PALM2AKAP2: variants seen among roughly 807,000 people sequenced by gnomAD.
PALM2AKAP2 encodes the protein PALM2 and AKAP2 fusion, also known as PALM2-AKAP2 fusion protein.
In PALM2AKAP2, 37 loss-of-function variants were observed where a neutral mutation model predicts 71.5. That is an observed-to-expected ratio of 0.52 (90% CI 0.40 to 0.68). The LOEUF is 0.68. Among genes scored for constraint, PALM2AKAP2 ranks in the 30% least tolerant of loss-of-function variants. The pLI, the probability that PALM2AKAP2 is intolerant of heterozygous loss-of-function variation, is 0.00. For synonymous variants in PALM2AKAP2, 468 were observed against 478.8 expected, an observed-to-expected ratio of 0.98 and a Z score of 0.29; for missense variants, 1,224 against 1,191.8, an observed-to-expected ratio of 1.03 and a Z score of -0.40.
intron 1 of PALM2AKAP2, among the ~76,000 whole-genome samples, chr9:109,815,028 C>T (rs1403524389): frequency 6.6e-6 from 1 of 152,062 alleles, no homozygotes; most frequent in Non-Finnish European, 1.5e-5. Context: ...AGTAAGACCA[C>T]TCAGAGGTGG....
chr9:109,858,850 C>T (rs80295254), intron 1 of PALM2AKAP2, among the ~76,000 whole-genome samples: 3 of 152,080 alleles, frequency 2.0e-5, no homozygotes, highest in Non-Finnish European at 4.4e-5. Flanking sequence ...TGAAGCACTC[C>T]TAGCAAAGAA....
rs532294630 is a variant in PALM2AKAP2, at chr9:109,783,320, G to C, written c.45+2787G>C. Among the ~76,000 whole-genome samples the C allele has an allele frequency of 2.5e-3, 272 of 110,358 alleles. 1 individual carries two copies. Among genetic ancestry groups the C allele is most frequent in the African/African-American group, 0.014 (256 of 18,390 alleles). The allele number at this position is 110,358 out of a possible 152,430, so 72.4% of individuals were successfully genotyped here. ...TCTCTGAAGTGGAATGTGTATTAAT[G>C]ACTTTTTTTTTTTTTTAGACAGAGT... On this transcript the variant is annotated intron_variant, in intron 1 of 9. Coordinates refer to the PALM2AKAP2 transcript ENST00000302798.
exon 6 of PALM2AKAP2, chr9:109,932,004 C>A: frequency 1.2e-6 from 2 of 1,613,630 alleles, no homozygotes. Context: ...ATCACCTGGG[C>A]AGGACGGGAC....
intron 1 of PALM2AKAP2, among the ~76,000 whole-genome samples, chr9:109,685,936 A>G (rs1041586635): frequency 3.3e-5 from 5 of 152,158 alleles, no homozygotes; most frequent in Middle Eastern, 3.2e-3. Flanking sequence ...AAGTTTATGT[A>G]ATATTCTAAA....
In PALM2AKAP2 at chr9:110,136,380, A is replaced by G. The variant is rs1009953645; in HGVS notation, c.410A>G (p.Asp137Gly). The change falls in exon 2 of 4, where the codon GAT (aspartate) becomes GGT (glycine). Residue 137 changes from aspartate to glycine, a missense_variant. Transcript: ENST00000374525. The stretch of plus-strand genomic sequence containing the variant: ...GATCACCACGAATCCCTGGATAATG[A>G]TGTTGCCAGAGAGATCCGCTATCTA... 1.2e-5 allele frequency: 19 copies of G among 1,614,034 alleles called. No individual in the cohort carries two copies. Among genetic ancestry groups the G allele is most frequent in the African/African-American group, 2.7e-5 (2 of 74,904 alleles).
At chr9:110,022,194 T>C (rs965148563) in intron 7 of PALM2AKAP2, among the ~76,000 whole-genome samples, 1 of 152,238 alleles carries the variant, frequency 6.6e-6, no homozygotes, top group Non-Finnish European at 1.5e-5. Context: ...TCTTGCCCTC[T>C]TTATCCGGTC....
intron 1 of PALM2AKAP2, among the ~76,000 whole-genome samples, chr9:109,651,361 G>A (rs1466875882): frequency 6.6e-6 from 1 of 152,190 alleles, no homozygotes; most frequent in Non-Finnish European, 1.5e-5. Flanking sequence ...TCCTTCCTTT[G>A]CTCCTCTGGG....
intron 2 of PALM2AKAP2, among the ~76,000 whole-genome samples, chr9:109,877,748 G>A (rs1829752074): frequency 6.6e-6 from 1 of 152,202 alleles, no homozygotes; most frequent in Admixed American, 6.5e-5. Context: ...GAAGGAGCCT[G>A]TCCAAGCTCA....
At chr9:110,061,663 A>G (rs1833967719) in intron 1 of PALM2AKAP2, among the ~76,000 whole-genome samples, 1 of 149,678 alleles carries the variant, frequency 6.7e-6, no homozygotes, top group Non-Finnish European at 1.5e-5. Context: ...GTGTGTACAT[A>G]TATATATGTG....
At chr9:109,727,806 C>A (rs1828497338) in intron 1 of PALM2AKAP2, among the ~76,000 whole-genome samples, 1 of 152,180 alleles carries the variant, frequency 6.6e-6, no homozygotes, top group African/African-American at 2.4e-5. Flanking sequence ...TTGAGATGCC[C>A]AGCTTCATGC....
intron 1 of PALM2AKAP2, among the ~76,000 whole-genome samples, chr9:109,830,788 T>G (rs1173571387): frequency 1.3e-5 from 2 of 152,164 alleles, no homozygotes; most frequent in Non-Finnish European, 2.9e-5. Context: ...GAACTCCCCA[T>G]GTTACCAGTG....
chr9:109,906,020 G>C (rs553631302), intron 3 of PALM2AKAP2, among the ~76,000 whole-genome samples: 1 of 125,844 alleles, frequency 7.9e-6, no homozygotes, highest in Admixed American at 8.2e-5. Context: ...GTCAGTTTAC[G>C]TTGCATTTCC....
chr9:109,675,210 A>G (rs145057470), intron 1 of PALM2AKAP2, among the ~76,000 whole-genome samples: 1 of 152,200 alleles, frequency 6.6e-6, no homozygotes, highest in Non-Finnish European at 1.5e-5. Context: ...GAGCGTCTGT[A>G]TTTTCTGACC....
chr9:109,922,931 G>A (rs1278685295), intron 3 of PALM2AKAP2, among the ~76,000 whole-genome samples: 1 of 152,126 alleles, frequency 6.6e-6, no homozygotes, highest in Non-Finnish European at 1.5e-5. Context: ...CTACTCACAG[G>A]GTCATTGGGA....
chr9:109,991,411 T>G (rs540611802), intron 6 of PALM2AKAP2, among the ~76,000 whole-genome samples: 2 of 150,404 alleles, frequency 1.3e-5, no homozygotes, highest in East Asian at 3.9e-4. Flanking sequence ...TAATTTAAAT[T>G]TTTTTTTTTC....
chr9:109,857,177 G>A (rs1007281517), intron 1 of PALM2AKAP2, among the ~76,000 whole-genome samples: 1 of 152,148 alleles, frequency 6.6e-6, no homozygotes, highest in South Asian at 2.1e-4. Flanking sequence ...ACTTTAGGGA[G>A]CCATATTCTG....
At chr9:110,123,569 C>A (rs1835534437) in intron 1 of PALM2AKAP2, among the ~76,000 whole-genome samples, 1 of 152,120 alleles carries the variant, frequency 6.6e-6, no homozygotes, top group African/African-American at 2.4e-5. Context: ...TGACTCAAGT[C>A]AACACACAAC....
chr9:109,737,727 C>T (rs1341922413), intron 1 of PALM2AKAP2, among the ~76,000 whole-genome samples: 1 of 152,194 alleles, frequency 6.6e-6, no homozygotes, highest in Non-Finnish European at 1.5e-5. Flanking sequence ...ATTTTTCATC[C>T]TACATTGTTT....
At chr9:110,115,177 A>T (rs994350994) in intron 1 of PALM2AKAP2, among the ~76,000 whole-genome samples, 1 of 152,230 alleles carries the variant, frequency 6.6e-6, no homozygotes, top group African/African-American at 2.4e-5. Context: ...TTCCCAGAGG[A>T]TGGTCCAGCA....
Sources: allele counts gnomAD v4.1 joint callset (sites outside exome capture counted in the v4.1 genomes callset), GRCh38; gene constraint gnomAD v4.1.1; transcripts MANE v1.5; gene names NCBI Gene and HGNC (gene_info 2026-07-23, HGNC 2026-07-21).